Variants in COL27A1 observed in about 807,000 individuals in gnomAD.
COL27A1 encodes the protein collagen type XXVII alpha 1 chain, also known as collagen alpha-1(XXVII) chain.
In COL27A1, 106 loss-of-function variants were observed where a neutral mutation model predicts 251.3. The ratio of observed to expected loss-of-function variants is 0.42; its 90% CI spans 0.36 to 0.50. The LOEUF is 0.50. COL27A1 is among the 20% of genes least tolerant of loss of function. The pLI, the probability that COL27A1 is intolerant of heterozygous loss-of-function variation, is 0.00. For missense variants in COL27A1, 2,325 were observed against 2,522.8 expected (o/e 0.92, Z 1.68); for synonymous variants, 1,000 against 986.3 (o/e 1.01, Z -0.26).
chr9:114,211,147 G>A, intron 12 of COL27A1, 121 bp downstream of exon 12: 1 of 1,037,052 alleles, frequency 9.6e-7, no homozygotes, highest in Non-Finnish European at 1.5e-6. Flanking sequence ...TGAGTGTGGG[G>A]GCCGCATGTG....
chr9:114,209,785 A>G, intron 11 of COL27A1, 57 bp downstream of exon 11: 1 of 1,532,932 alleles, frequency 6.5e-7, no homozygotes, highest in Non-Finnish European at 9.0e-7. Flanking sequence ...CAAACAGAGC[A>G]GAACCTGCCA....
chr9:114,290,677 C>A lies in COL27A1; in HGVS notation c.4369-133C>A. The A allele has an allele frequency of 1.5e-6, 1 of 671,754 alleles. No individual in the cohort carries two copies. The allele number at this position is 671,754 out of a possible 1,614,324, so 41.6% of individuals were successfully genotyped here. A position where few individuals can be genotyped will look rare whatever the true frequency, so the allele number is the denominator to read the frequency against. On this transcript the variant is annotated intron_variant, in intron 47 of 60. Transcript: ENST00000356083. This position sits in a 1 kb window ranked among gnomAD's most constrained non-coding sequence, Gnocchi z 4.6. ...CTGGTCCAGCCACATCACACACAGG[C>A]CGTCTGACCTCCATCCTGGAGTGTG...
chr9:114,219,865 G>A, intron 13 of COL27A1, 21 bp downstream of exon 13: 2 of 1,584,434 alleles, frequency 1.3e-6, no homozygotes, highest in Non-Finnish European at 1.7e-6. Context: ...CAAGTCTTTG[G>A]GAACAGGAGC....
At chr9:114,173,966 G>A (rs1036219995) in intron 3 of COL27A1, among the ~76,000 whole-genome samples, 5 of 127,104 alleles carry the variant, frequency 3.9e-5, no homozygotes, top group Non-Finnish European at 6.6e-5. Context: ...CGGGGGTTTG[G>A]GGGAGGACTG....
rs1380636571 is a variant in COL27A1 at position 114,168,520 on chromosome 9, T to G, written c.965T>G (p.Leu322Arg). Residue 322 changes from leucine (L) to arginine (R), a missense_variant, in exon 3 of 61, where the codon CTG becomes CGG. By Grantham distance (102) the Leu-to-Arg change is moderately radical (BLOSUM62 -2). Transcript: ENST00000356083. ...MAVGGPAQTP[L>R]LPAKLSASNA... ...GTGGGAGGCCCAGCCCAAACCCCGC[T>G]GCTACCTGCCAAGCTGTCAGCCAGT... 6.2e-7 allele frequency: 1 copy of G among 1,613,898 alleles called. No homozygotes were observed. Among genetic ancestry groups the G allele is most frequent in the South Asian group, 1.1e-5 (1 of 91,078 alleles).
chr9:114,205,757 A>G lies in COL27A1; in HGVS notation c.2170-2A>G. On this transcript the variant is annotated splice_acceptor_variant, in intron 8 of 60. Transcript: ENST00000356083. LOFTEE classifies it high-confidence loss of function. ...CTTATGTTTCTCTCTGTTCCTTTGC[A>G]GGGGCAGCCAGGACCTGAGGGCAGC... 1 of 1,613,774 alleles carries G rather than the reference A, an allele frequency of 6.2e-7. No homozygotes were observed. The highest frequency in any genetic ancestry group is 8.5e-7 in the Non-Finnish European group (1 of 1,179,710).
intron 56 of COL27A1, among the ~76,000 whole-genome samples, chr9:114,302,528 A>T (rs2131669446): frequency 6.6e-6 from 1 of 152,144 alleles, no homozygotes; most frequent in South Asian, 2.1e-4. Flanking sequence ...GGAGTTCGAG[A>T]CCAACCTGAC....
In COL27A1 at chr9:114,183,015, C is replaced by T. The variant is rs773244793; in HGVS notation, c.1963-7C>T. The T allele has an allele frequency of 6.2e-7, 1 of 1,613,520 alleles. No individual in the cohort carries two copies. The highest frequency in any genetic ancestry group is 8.5e-7 in the Non-Finnish European group (1 of 1,179,828). ...CTTTTTTTGTTTTTGTTCCTTGTCT[C>T]TTTCAGGGTCCTCCTGGGCCTTATG... On this transcript the variant is annotated splice_polypyrimidine_tract_variant and splice_region_variant and intron_variant, in intron 4 of 60. Transcript: ENST00000356083.
rs771023425 is a variant in COL27A1 at position 114,169,359 on chromosome 9, C to T, written c.1804C>T (p.Pro602Ser). The T allele has an allele frequency of 6.2e-7, 1 of 1,612,012 alleles. No homozygotes were observed. The highest frequency in any genetic ancestry group is 1.7e-5 in the Admixed American group (1 of 59,956). ...LAPAQFLSSS[P>S]RPTSSGYSIF... ...CCCGGCGCAATTCCTGTCCTCCAGC[C>T]CCCGGCCCACGAGCAGTGGCTATTC... Residue 602 changes from proline to serine, a missense_variant, in exon 3 of 61, where the codon CCC (proline) becomes TCC (serine). Transcript: ENST00000356083.
At chr9:114,191,572 C>T (rs142924176) in intron 5 of COL27A1, among the ~76,000 whole-genome samples, 22 of 152,332 alleles carry the variant, frequency 1.4e-4, no homozygotes, top group African/African-American at 4.6e-4. Flanking sequence ...CTTCTTCATC[C>T]ATGTCCCTGC....
intron 28 of COL27A1, 140 bp from the exon 29 acceptor site, chr9:114,264,215 G>A: frequency 1.7e-6 from 1 of 587,428 alleles, no homozygotes; most frequent in Non-Finnish European, 2.9e-6. Flanking sequence ...TCAGTGGGGA[G>A]TGTGTGGGAA....
At chr9:114,212,243 A>G (rs1374647943) in intron 12 of COL27A1, among the ~76,000 whole-genome samples, 1 of 152,174 alleles carries the variant, frequency 6.6e-6, no homozygotes, top group Non-Finnish European at 1.5e-5. Context: ...TCCCAGCTTC[A>G]GGGCAAGGAC....
intron 12 of COL27A1, chr9:114,217,770 G>C (rs1830799562): frequency 2.1e-6 from 1 of 470,788 alleles, no homozygotes; most frequent in African/African-American, 2.0e-5. Flanking sequence ...CTCCTACCAG[G>C]TCCTTCTACC....
intron 14 of COL27A1, among the ~76,000 whole-genome samples, chr9:114,225,656 G>C (rs910629574): frequency 6.6e-6 from 1 of 152,204 alleles, no homozygotes; most frequent in African/African-American, 2.4e-5. Context: ...GTCACCTACG[G>C]TTTTCCAGAG....
At chr9:114,266,474 TG>T in intron 32 of COL27A1, 90 bp from the exon 33 acceptor site, 1 of 1,093,268 alleles carries the variant, frequency 9.1e-7, no homozygotes, top group Non-Finnish European at 1.4e-6. Flanking sequence ...TCCCCAGTTC[TG>T]GGGGTCAGCT....
Position 114,168,932 on chromosome 9 carries a change from G to A in COL27A1, c.1377G>A (p.Arg459=), listed in dbSNP as rs1204900967. 1.2e-6 allele frequency: 2 copies of A among 1,613,842 alleles called. No individual in the cohort carries two copies. Among genetic ancestry groups the A allele is most frequent in the East Asian group, 2.2e-5 (1 of 44,854 alleles). Residue 459 remains arginine, a synonymous_variant, in exon 3 of 61, where the codon CGG becomes CGA. Transcript: ENST00000356083. ...SSKKPIPTLA[R]TEAKITSHAS... is the part of the protein sequence containing the mutation. The stretch of plus-strand genomic sequence containing the variant: ...AAAAACCCATTCCCACACTAGCTCG[G>A]ACTGAGGCCAAGATAACCAGCCATG...
rs1829383129 is a variant in COL27A1, at chr9:114,310,639, C to T, written c.5527C>T (p.Pro1843Ser). Reference protein sequence around the residue: ...LPIISVDNLPPASSGKQYRLE... With the variant: ...LPIISVDNLPSASSGKQYRLE... The stretch of plus-strand genomic sequence containing the variant: ...CATCATCAGTGTGGACAACCTCCCT[C>T]CTGCCTCATCAGGGAAGCAGTACCG... Residue 1843 changes from proline to serine, a missense_variant, in exon 61 of 61, where the codon CCT becomes TCT. Transcript: ENST00000356083. 6.2e-7 allele frequency: 1 copy of T among 1,614,092 alleles called. No homozygotes were observed. The highest frequency in any genetic ancestry group is 1.1e-5 in the South Asian group (1 of 91,088).
chr9:114,222,389 C>A (rs994581032), intron 14 of COL27A1, 122 bp downstream of exon 14: 50 of 920,684 alleles, frequency 5.4e-5, no homozygotes, highest in Non-Finnish European at 7.9e-5. Flanking sequence ...TCTCATCAAA[C>A]CCCCAGAGGG....
upstream of COL27A1, among the ~76,000 whole-genome samples, chr9:114,155,045 C>T (rs117235458): frequency 0.022 from 3,402 of 151,960 alleles, 50 homozygotes; most frequent in South Asian, 0.048. The surrounding 1 kb of genome is among the most constrained non-coding windows in gnomAD (Gnocchi z 5.5). Flanking sequence ...GGGTGGCAAA[C>T]CCTTAACAAG....
Sources: gnomAD v4.1 joint callset for allele counts (sites outside exome capture counted in the v4.1 genomes callset) on GRCh38, gnomAD v4.1.1 for gene constraint, Gnocchi (gnomAD v3.1) non-coding constraint, MANE v1.5 for transcripts, NCBI Gene and HGNC (gene_info 2026-07-23, HGNC 2026-07-21) for gene names.